The following THSD4 variants were observed in gnomAD, a reference collection of about 807,000 sequenced individuals.
THSD4 encodes the protein thrombospondin type 1 domain containing 4.
Under a neutral mutation model 119.0 loss-of-function variants are expected in THSD4, and 69 were observed. That is an observed-to-expected ratio of 0.58 (90% CI 0.48 to 0.71). THSD4 has a LOEUF of 0.71. Among genes scored for constraint, THSD4 ranks in the 30% least tolerant of loss-of-function variants. THSD4 has a pLI of 0.00. For missense variants in THSD4, 1,393 were observed against 1,391.1 expected (o/e 1.00, Z -0.02); for synonymous variants, 524 against 540.4 (o/e 0.97, Z 0.42).
At chr15:71,199,047 A>G (rs1471477745) in intron 3 of THSD4, among the ~76,000 whole-genome samples, 1 of 152,180 alleles carries the variant, frequency 6.6e-6, no homozygotes, top group East Asian at 1.9e-4. Context: ...AAAATAGCCT[A>G]TGTCAACAGC....
At chr15:71,356,913 G>A (rs1172720012) in intron 6 of THSD4, among the ~76,000 whole-genome samples, 6 of 152,186 alleles carry the variant, frequency 3.9e-5, no homozygotes, top group Non-Finnish European at 5.9e-5. Flanking sequence ...AAACGACAGC[G>A]CACAGGGTGA....
chr15:71,110,599 A>G (rs576938042), upstream of THSD4: 1 of 155,038 alleles, frequency 6.5e-6, no homozygotes, highest in South Asian at 2.0e-4. Flanking sequence ...CCCTGGGAAC[A>G]CTGGGCCTCC....
chr15:71,562,660 C>T (rs1394893202), intron 7 of THSD4, among the ~76,000 whole-genome samples: 1 of 151,512 alleles, frequency 6.6e-6, no homozygotes, highest in Non-Finnish European at 1.5e-5. Context: ...TTCTAAGTCC[C>T]ACCTCTTCCA....
At chr15:71,255,662 G>A (rs775317617) in intron 5 of THSD4, among the ~76,000 whole-genome samples, 2 of 152,138 alleles carry the variant, frequency 1.3e-5, no homozygotes, top group Admixed American at 1.3e-4. Flanking sequence ...AAGATGGGGC[G>A]GACAATGAGA....
intron 7 of THSD4, among the ~76,000 whole-genome samples, chr15:71,414,797 T>A (rs1285342130): frequency 6.6e-6 from 1 of 152,186 alleles, no homozygotes; most frequent in Non-Finnish European, 1.5e-5. Flanking sequence ...GAAACAGACA[T>A]TTTCCAGGAT....
At chr15:71,744,082 C>CCATTAATA (rs2141165825) in intron 11 of THSD4, among the ~76,000 whole-genome samples, 1 of 151,036 alleles carries the variant, frequency 6.6e-6, no homozygotes, top group Admixed American at 6.6e-5. Flanking sequence ...TTATAAACGT[C>CCATTAATA]CATTAATAAT....
intron 7 of THSD4, among the ~76,000 whole-genome samples, chr15:71,435,387 G>A (rs1228349401): frequency 1.3e-5 from 2 of 152,106 alleles, no homozygotes; most frequent in Non-Finnish European, 2.9e-5. Context: ...TAAAAATCTT[G>A]CCAAGGGAGT....
intron 7 of THSD4, among the ~76,000 whole-genome samples, chr15:71,457,010 A>G (rs2140599611): frequency 6.6e-6 from 1 of 152,246 alleles, no homozygotes; most frequent in Admixed American, 6.5e-5. Flanking sequence ...CATTGAGAGA[A>G]CTTGTGAACT....
chr15:71,645,583 A>G (rs1456150431), intron 7 of THSD4, among the ~76,000 whole-genome samples: 1 of 152,156 alleles, frequency 6.6e-6, no homozygotes, highest in Non-Finnish European at 1.5e-5. Flanking sequence ...TCCCTTTCTG[A>G]TAATCGAAGA....
At position 71,594,459 on chromosome 15, in the gene THSD4, G is replaced by A. The variant is rs769142148; in HGVS notation, c.1153-66071G>A. On this transcript the variant is annotated intron_variant, in intron 7 of 17. Coordinates refer to ENST00000261862, the MANE Select transcript of THSD4 (RefSeq NM_024817.3). Reference sequence around the variant, plus strand: ...CCTGACCTCATGATCCACCCACCTCGGCCTCCCCTCTTAGTAGCTGGGATT... The same window carrying A: ...CCTGACCTCATGATCCACCCACCTCAGCCTCCCCTCTTAGTAGCTGGGATT... 4.1e-4 allele frequency among the ~76,000 whole-genome samples: 62 copies of A among 151,884 alleles called. 1 individual carries two copies. Among genetic ancestry groups the A allele is most frequent in the Non-Finnish European group, 1.0e-4 (7 of 67,990 alleles).
intron 7 of THSD4, among the ~76,000 whole-genome samples, chr15:71,535,313 G>A (rs1263466465): frequency 2.0e-5 from 3 of 152,086 alleles, no homozygotes; most frequent in Non-Finnish European, 4.4e-5. Flanking sequence ...TCGATACTTC[G>A]TTGCTTTGTA....
chr15:71,669,433 A>G (rs939806370), intron 8 of THSD4, among the ~76,000 whole-genome samples: 2 of 152,016 alleles, frequency 1.3e-5, no homozygotes, highest in Non-Finnish European at 2.9e-5. Context: ...TTTTTATTAT[A>G]CTTTAAGTCC....
intron 14 of THSD4, among the ~76,000 whole-genome samples, chr15:71,755,021 A>C (rs1027957027): frequency 5.1e-4 from 77 of 152,070 alleles, no homozygotes; most frequent in African/African-American, 1.7e-3. Context: ...CTTGGAGTCA[A>C]CTCCCCATCT....
intron 7 of THSD4, among the ~76,000 whole-genome samples, chr15:71,414,886 A>AT (rs1475542281): frequency 6.6e-6 from 1 of 152,212 alleles, no homozygotes; most frequent in Non-Finnish European, 1.5e-5. Context: ...TTTGCCTGAA[A>AT]TTCCCTCATT....
intron 5 of THSD4, among the ~76,000 whole-genome samples, chr15:71,254,877 T>C (rs2044296923): frequency 6.6e-6 from 1 of 152,170 alleles, no homozygotes; most frequent in South Asian, 2.1e-4. Flanking sequence ...TCACCCTGCC[T>C]GTTTTTTCCT....
intron 6 of THSD4, among the ~76,000 whole-genome samples, chr15:71,310,602 A>G (rs140955616): frequency 3.3e-5 from 5 of 152,306 alleles, no homozygotes; most frequent in Admixed American, 6.5e-5. Flanking sequence ...TGGCCTCTCT[A>G]AGCTTGCATT....
chr15:71,135,073 T>C (rs1334403849), intron 1 of THSD4, among the ~76,000 whole-genome samples: 15 of 145,498 alleles, frequency 1.0e-4, no homozygotes, highest in East Asian at 2.0e-4. Flanking sequence ...TGTAGGGACA[T>C]GGATGAAATT....
At chr15:71,745,300 C>T in intron 12 of THSD4, 65 bp downstream of exon 12, 1 of 1,578,448 alleles carries the variant, frequency 6.3e-7, no homozygotes, top group Non-Finnish European at 8.6e-7. Context: ...ATGCACAGGA[C>T]CTTAGGAACA....
intron 7 of THSD4, among the ~76,000 whole-genome samples, chr15:71,478,574 G>A (rs562424446): frequency 2.8e-4 from 42 of 152,336 alleles, no homozygotes; most frequent in African/African-American, 9.9e-4. Context: ...AAATAGTGCA[G>A]CATTGTGAAG....
Sources: gnomAD v4.1 joint callset for allele counts (sites outside exome capture counted in the v4.1 genomes callset) on GRCh38, gnomAD v4.1.1 for gene constraint, MANE v1.5 for transcripts, NCBI Gene and HGNC (gene_info 2026-07-23, HGNC 2026-07-21) for gene names.